TENM4: variants seen among roughly 807,000 people sequenced by gnomAD.
The protein encoded by TENM4 is teneurin transmembrane protein 4.
In TENM4, 82 loss-of-function variants were observed where a neutral mutation model predicts 243.3. The ratio of observed to expected loss-of-function variants is 0.34; its 90% CI spans 0.28 to 0.40. The LOEUF (loss-of-function observed/expected upper bound fraction) is 0.40, where lower values mean the gene tolerates loss of function less well. Among genes scored for constraint, TENM4 ranks in the 10% least tolerant of loss-of-function variants. TENM4 has a pLI of 1.00. For synonymous variants in TENM4, 1,412 were observed against 1,456.3 expected (o/e 0.97, Z 0.69); for missense variants, 3,138 against 3,673.3 (o/e 0.85, Z 3.77).
chr11:78,869,585 GCT>G (rs1487751879), intron 9 of TENM4, among the ~76,000 whole-genome samples: 1 of 152,124 alleles, frequency 6.6e-6, no homozygotes, highest in African/African-American at 2.4e-5. Context: ...AATTACATAT[GCT>G]CTCTCACTCA....
chr11:78,950,101 GA>G, intron 6 of TENM4, among the ~76,000 whole-genome samples: 1 of 152,272 alleles, frequency 6.6e-6, no homozygotes, highest in East Asian at 1.9e-4. Context: ...TTGATGACCT[GA>G]GAAGCCTGCC....
chr11:79,109,494 GAT>G lies in TENM4; in HGVS notation c.-66+39214_-66+39215del, dbSNP rs144074943. ...CAAGCAGGCCAAGGTGCAGGAGACA[GAT>G]AGAAGTGAGAGGCTGGTTCTGCGGT... On this transcript the variant is annotated intron_variant, in intron 4 of 33. Transcript: ENST00000278550. Among the ~76,000 whole-genome samples, 34 of 152,310 alleles carry G rather than the reference GAT, an allele frequency of 2.2e-4. No homozygotes were observed. The East Asian group carries it at 5.4e-3, about 24-fold the overall frequency.
intron 12 of TENM4, among the ~76,000 whole-genome samples, chr11:78,850,083 G>GTGTT (rs961065994): frequency 1.3e-5 from 2 of 152,058 alleles, no homozygotes; most frequent in Non-Finnish European, 2.9e-5. Context: ...GTGTGTGTGT[G>GTGTT]TGTAAATGCA....
intron 9 of TENM4, among the ~76,000 whole-genome samples, chr11:78,875,519 G>C (rs1267043845): frequency 6.6e-6 from 1 of 152,110 alleles, no homozygotes; most frequent in Non-Finnish European, 1.5e-5. Flanking sequence ...TCTTTCATTA[G>C]CAAGGAGCTA....
chr11:78,804,301 G>A (rs1357294679), intron 15 of TENM4, among the ~76,000 whole-genome samples: 1 of 152,120 alleles, frequency 6.6e-6, no homozygotes, highest in African/African-American at 2.4e-5. Context: ...CCCTTTCCCA[G>A]AATGCACACT....
At chr11:79,128,986 C>G (rs897517361) in intron 4 of TENM4, among the ~76,000 whole-genome samples, 3 of 152,132 alleles carry the variant, frequency 2.0e-5, no homozygotes, top group Admixed American at 2.0e-4. Context: ...ATCCACAAAC[C>G]CTCTGAAGGA....
intron 4 of TENM4, among the ~76,000 whole-genome samples, chr11:79,119,749 C>A (rs1249256489): frequency 6.6e-6 from 1 of 152,156 alleles, no homozygotes; most frequent in East Asian, 1.9e-4. Context: ...ACTCTTCACA[C>A]CCTGAGACTG....
At chr11:79,416,034 T>G (rs1858805406) in intron 1 of TENM4, among the ~76,000 whole-genome samples, 1 of 152,228 alleles carries the variant, frequency 6.6e-6, no homozygotes, top group Admixed American at 6.5e-5. Flanking sequence ...TATAATTATT[T>G]TGAGATTGAT....
chr11:79,157,293 T>C (rs543832014), intron 3 of TENM4, among the ~76,000 whole-genome samples: 12 of 152,308 alleles, frequency 7.9e-5, no homozygotes, highest in African/African-American at 2.6e-4. Context: ...TACATCTTTG[T>C]GAACCTATTC....
intron 6 of TENM4, among the ~76,000 whole-genome samples, chr11:79,038,730 C>T (rs1565177694): frequency 6.6e-6 from 1 of 152,198 alleles, no homozygotes; most frequent in African/African-American, 2.4e-5. Context: ...GCCAAGACCT[C>T]TGGGCACTAA....
intron 6 of TENM4, among the ~76,000 whole-genome samples, chr11:79,051,709 A>C (rs1859797846): frequency 6.6e-6 from 1 of 152,200 alleles, no homozygotes. Context: ...CCAGATGTGC[A>C]GGTTTGTCAC....
intron 2 of TENM4, among the ~76,000 whole-genome samples, chr11:79,285,725 C>T (rs1429279293): frequency 6.6e-6 from 1 of 151,096 alleles, no homozygotes; most frequent in East Asian, 1.9e-4. Context: ...CATGGATAAA[C>T]CTTGAAGACA....
At chr11:78,727,503 G>T (rs1167997399) in intron 22 of TENM4, among the ~76,000 whole-genome samples, 3 of 151,760 alleles carry the variant, frequency 2.0e-5, no homozygotes, top group African/African-American at 7.3e-5. Context: ...AATCACATAT[G>T]ACTTTTTTCT....
intron 3 of TENM4, among the ~76,000 whole-genome samples, chr11:79,198,417 C>T (rs541011558): frequency 2.0e-5 from 3 of 152,194 alleles, no homozygotes; most frequent in Non-Finnish European, 4.4e-5. Flanking sequence ...TTTCAACACT[C>T]GCCAGGTGAT....
intron 1 of TENM4, among the ~76,000 whole-genome samples, chr11:79,367,487 G>T (rs749417808): frequency 2.0e-5 from 3 of 152,096 alleles, no homozygotes; most frequent in African/African-American, 4.8e-5. Flanking sequence ...TCTGCCAAGA[G>T]TTAATACATA....
chr11:78,662,160 G>A (rs1047655034), intron 32 of TENM4, among the ~76,000 whole-genome samples: 1 of 151,598 alleles, frequency 6.6e-6, no homozygotes, highest in Non-Finnish European at 1.5e-5. Context: ...ACAGCCCAAG[G>A]ATGCCACAAC....
chr11:79,308,067 G>T (rs1856656235), intron 1 of TENM4, among the ~76,000 whole-genome samples: 1 of 152,220 alleles, frequency 6.6e-6, no homozygotes, highest in Non-Finnish European at 1.5e-5. Flanking sequence ...GCTGCTACTG[G>T]TAAGAAGGTG....
At chr11:79,311,275 A>G (rs1856717416) in intron 1 of TENM4, among the ~76,000 whole-genome samples, 1 of 152,180 alleles carries the variant, frequency 6.6e-6, no homozygotes, top group African/African-American at 2.4e-5. Flanking sequence ...TCTCAAACCC[A>G]CCTAACCTCT....
At position 78,729,545 on chromosome 11, in the gene TENM4, G is replaced by A. The variant is rs1213969191; in HGVS notation, c.3237C>T (p.Leu1079=). ...GGTTGAAGGGGATGGTCGGGTGGGTGAGGCTGATCCTCAGGACAGATTTGT... is the reference window on the plus strand; with the variant it reads ...GGTTGAAGGGGATGGTCGGGTGGGTAAGGCTGATCCTCAGGACAGATTTGT... ...PGYKSVLRIS[L]THPTIPFNLM... The change falls in exon 22 of 34, where the codon CTC becomes CTT. Residue 1079 remains leucine (L), a synonymous_variant. Coordinates refer to ENST00000278550, the MANE Select transcript of TENM4 (RefSeq NM_001098816.3). The A allele has an allele frequency of 1.9e-6, 3 of 1,613,890 alleles. No individual in the cohort carries two copies. Among genetic ancestry groups the A allele is most frequent in the African/African-American group, 2.7e-5 (2 of 74,924 alleles).
Sources: allele counts gnomAD v4.1 joint callset (sites outside exome capture counted in the v4.1 genomes callset), GRCh38; gene constraint gnomAD v4.1.1; transcripts MANE v1.5; gene names NCBI Gene and HGNC (gene_info 2026-07-23, HGNC 2026-07-21).